The following GYG1 variants were observed in gnomAD, a reference collection of about 807,000 sequenced individuals.
GYG1 encodes glycogenin-1.
A neutral mutation model predicts 41.9 loss-of-function variants in GYG1; 44 were observed. The observed-to-expected ratio is 1.05, with a 90% CI of 0.83 to 1.35. GYG1 has a LOEUF of 1.35. Among genes scored for constraint, GYG1 ranks in the 40% most tolerant of loss-of-function variants. GYG1 has a pLI of 0.00. For synonymous variants in GYG1, 141 were observed against 158.1 expected, an observed-to-expected ratio of 0.89 and a Z score of 0.81; for missense variants, 429 against 418.9, an observed-to-expected ratio of 1.02 and a Z score of -0.21.
intron 2 of GYG1, among the ~76,000 whole-genome samples, chr3:148,994,934 A>G (rs965913008): frequency 1.3e-5 from 2 of 152,234 alleles, no homozygotes; most frequent in Non-Finnish European, 2.9e-5. Context: ...TAATCTCAGC[A>G]CTGTGGGAGG....
intron 5 of GYG1, among the ~76,000 whole-genome samples, chr3:149,012,589 A>G (rs1405829019): frequency 6.6e-6 from 1 of 152,228 alleles, no homozygotes; most frequent in African/African-American, 2.4e-5. Context: ...AATTTAAGCC[A>G]CAAAATAGCA....
chr3:149,002,404 G>A (rs1188667926), intron 4 of GYG1, among the ~76,000 whole-genome samples: 2 of 152,186 alleles, frequency 1.3e-5, no homozygotes, highest in African/African-American at 2.4e-5. Flanking sequence ...TTCCTTGCAA[G>A]TATGTAATAA....
chr3:149,023,677 G>A (rs1409462598), intron 5 of GYG1, among the ~76,000 whole-genome samples: 2 of 152,176 alleles, frequency 1.3e-5, no homozygotes, highest in Admixed American at 6.5e-5. Context: ...ATGTCACAGT[G>A]AACTCAGTTT....
At chr3:148,993,667 C>G (rs1712620528) in intron 1 of GYG1, among the ~76,000 whole-genome samples, 1 of 152,144 alleles carries the variant, frequency 6.6e-6, no homozygotes. Context: ...TACATACATT[C>G]CTGAGGCATG....
chr3:149,006,858 G>T (rs969866975), intron 4 of GYG1, among the ~76,000 whole-genome samples: 2 of 152,220 alleles, frequency 1.3e-5, no homozygotes, highest in African/African-American at 2.4e-5. Context: ...AGCCTTTAAT[G>T]AATGGCATGA....
chr3:149,025,401 C>T (rs566625900), intron 6 of GYG1, among the ~76,000 whole-genome samples: 14 of 152,304 alleles, frequency 9.2e-5, no homozygotes, highest in East Asian at 5.8e-4. Context: ...AATTCTTACT[C>T]GCCTGCCACT....
chr3:149,020,351 C>G (rs1255763970), intron 5 of GYG1, among the ~76,000 whole-genome samples: 1 of 152,216 alleles, frequency 6.6e-6, no homozygotes, highest in Non-Finnish European at 1.5e-5. Context: ...TAACAAACGT[C>G]ACTCTCAGAC....
At chr3:148,992,123 C>G (rs1467985842) in intron 1 of GYG1, among the ~76,000 whole-genome samples, 1 of 152,110 alleles carries the variant, frequency 6.6e-6, no homozygotes, top group Non-Finnish European at 1.5e-5. Context: ...CTCCGCCGCC[C>G]GCCCCGGCCC....
intron 5 of GYG1, among the ~76,000 whole-genome samples, chr3:149,022,811 A>G (rs1447613207): frequency 6.6e-6 from 1 of 151,970 alleles, no homozygotes; most frequent in African/African-American, 2.4e-5. Flanking sequence ...ACTTTATGTA[A>G]GTGGAATCAT....
intron 5 of GYG1, 146 bp downstream of exon 5, chr3:149,009,548 A>C: frequency 1.2e-6 from 1 of 864,112 alleles, no homozygotes; most frequent in Non-Finnish European, 1.9e-6. Flanking sequence ...CCGTGGCTGC[A>C]ATGGGGAGAG....
At chr3:149,026,063 T>G (rs1304230221) in intron 6 of GYG1, among the ~76,000 whole-genome samples, 1 of 152,228 alleles carries the variant, frequency 6.6e-6, no homozygotes, top group Non-Finnish European at 1.5e-5. Context: ...CATCTTAAAG[T>G]TCCACTGTAT....
intron 5 of GYG1, among the ~76,000 whole-genome samples, chr3:149,022,540 G>C: frequency 1.1e-5 from 1 of 89,376 alleles, no homozygotes; most frequent in South Asian, 3.3e-4. Flanking sequence ...ACTGTCACCA[G>C]GCTGGAGTGC....
intron 5 of GYG1, among the ~76,000 whole-genome samples, chr3:149,010,190 A>G (rs1195419803): frequency 1.3e-5 from 2 of 152,234 alleles, no homozygotes; most frequent in Non-Finnish European, 2.9e-5. Flanking sequence ...CTCCATATGT[A>G]AAACGAGGAG....
Position 149,030,190 on chromosome 3 carries a change from A to G in GYG1, c.*3257A>G, listed in dbSNP as rs1714882788. The G allele has an allele frequency of 6.6e-6, 1 of 152,228 alleles. No individual in the cohort carries two copies. The highest frequency in any genetic ancestry group is 2.4e-5 in the African/African-American group (1 of 41,470). The allele number at this position is 152,228 out of a possible 1,614,324, so 9.4% of individuals were successfully genotyped here. On this transcript the variant is annotated 3_prime_UTR_variant, in exon 8 of 8. Transcript: ENST00000345003. Reference sequence around the variant, plus strand: ...CAGTTTTAACCACAAAATTGTTTGAATCACAAGTGGTAATACAATGTCTTC... The same window carrying G: ...CAGTTTTAACCACAAAATTGTTTGAGTCACAAGTGGTAATACAATGTCTTC...
At chr3:149,002,973 C>G (rs898402126) in intron 4 of GYG1, among the ~76,000 whole-genome samples, 2 of 151,986 alleles carry the variant, frequency 1.3e-5, no homozygotes, top group Non-Finnish European at 2.9e-5. Context: ...AGCTGAGGTA[C>G]GCCACTGCAC....
chr3:149,009,752 C>A (rs372468653), intron 5 of GYG1, among the ~76,000 whole-genome samples: 1 of 152,208 alleles, frequency 6.6e-6, no homozygotes, highest in African/African-American at 2.4e-5. Context: ...TCAATGTCTT[C>A]CCCATACTGG....
At chr3:149,011,856 C>A (rs910582200) in intron 5 of GYG1, among the ~76,000 whole-genome samples, 1 of 152,180 alleles carries the variant, frequency 6.6e-6, no homozygotes, top group Non-Finnish European at 1.5e-5. Flanking sequence ...ACAACTCCGT[C>A]CATTAGCCGG....
rs1264170227 is a variant in GYG1 at position 149,026,846 on chromosome 3, G to T, written c.966G>T (p.Lys322Asn). 6 of 1,613,998 alleles carry T rather than the reference G, an allele frequency of 3.7e-6. No homozygotes were observed. The highest frequency in any genetic ancestry group is 5.1e-6 in the Non-Finnish European group (6 of 1,179,874). Residue 322 changes from lysine to asparagine, a missense_variant, in exon 8 of 8, where the codon AAG becomes AAT. By Grantham distance (94) the Lys-to-Asn change is moderately conservative (BLOSUM62 0). Coordinates refer to ENST00000345003, the MANE Select transcript of GYG1 (RefSeq NM_004130.4). ...CGTTTGTATCCTCGGAAGAACGGAA[G>T]GAACGATGGGAACAGGGCCAGGCTG... ...AQPFVSSEER[K>N]ERWEQGQADY...
intron 6 of GYG1, among the ~76,000 whole-genome samples, 185 bp downstream of exon 6, chr3:149,024,457 G>C (rs909999514): frequency 6.6e-6 from 1 of 152,158 alleles, no homozygotes; most frequent in African/African-American, 2.4e-5. Flanking sequence ...TAAACTGTGT[G>C]GCAGATTTCT....
Sources: allele counts gnomAD v4.1 joint callset (sites outside exome capture counted in the v4.1 genomes callset), GRCh38; gene constraint gnomAD v4.1.1; transcripts MANE v1.5; gene names NCBI Gene and HGNC (gene_info 2026-07-23, HGNC 2026-07-21).